The following RPSA2 variants were observed in gnomAD, a reference collection of about 807,000 sequenced individuals.
The protein encoded by RPSA2 is ribosomal protein SA 2, also known as small ribosomal subunit protein uS2B.
At chr19:23,858,945 T>G in the RPSA2 span, among the ~76,000 whole-genome samples, 1 of 152,196 alleles carries the variant, frequency 6.6e-6, no homozygotes, top group Non-Finnish European at 1.5e-5. Flanking sequence ...TGTGCTTCAC[T>G]GAGGGCTGGA....
At chr19:23,771,489 C>T in the RPSA2 span, among the ~76,000 whole-genome samples, 1 of 152,180 alleles carries the variant, frequency 6.6e-6, no homozygotes, top group African/African-American at 2.4e-5. Context: ...AATTGTTAAT[C>T]TCATACCTCC....
chr19:23,824,580 C>CTTTCTTTTTT, the RPSA2 span, among the ~76,000 whole-genome samples: 353 of 63,780 alleles, frequency 5.5e-3, 102 homozygotes, highest in African/African-American at 0.019. Flanking sequence ...TATAGCATTT[C>CTTTCTTTTTT]TTTTTTTTTT....
At chr19:23,868,950 A>G in the RPSA2 span, among the ~76,000 whole-genome samples, 147,114 of 152,244 alleles carry the variant, frequency 0.97, 71,306 homozygotes, top group East Asian at 1. Flanking sequence ...GGGGACACTC[A>G]AGAAAACCAT....
chr19:23,820,066 G>A, the RPSA2 span, among the ~76,000 whole-genome samples: 21 of 152,306 alleles, frequency 1.4e-4, no homozygotes, highest in South Asian at 3.7e-3. Flanking sequence ...TCCTGAAAAG[G>A]TGCAGACAAG....
At chr19:23,830,517 A>G in the RPSA2 span, among the ~76,000 whole-genome samples, 1 of 152,070 alleles carries the variant, frequency 6.6e-6, no homozygotes, top group African/African-American at 2.4e-5. Context: ...GGTTATATAC[A>G]TGTTTGTTAT....
chr19:23,769,354 C>T, the RPSA2 span, among the ~76,000 whole-genome samples: 4 of 151,848 alleles, frequency 2.6e-5, no homozygotes, highest in Non-Finnish European at 1.5e-5. Context: ...ATGTGACTCT[C>T]TTTTTTCGAG....
chr19:23,787,089 T>C, the RPSA2 span, among the ~76,000 whole-genome samples: 21 of 152,102 alleles, frequency 1.4e-4, no homozygotes, highest in Non-Finnish European at 2.8e-4. Context: ...TACAGAGAAA[T>C]TGTAGCATAT....
At chr19:23,857,264 G>A in the RPSA2 span, among the ~76,000 whole-genome samples, 6 of 152,234 alleles carry the variant, frequency 3.9e-5, no homozygotes, top group Admixed American at 1.3e-4. Context: ...CTGAGGTGAC[G>A]TACACCTTCA....
chr19:23,856,031 C>T, the RPSA2 span, among the ~76,000 whole-genome samples: 1 of 151,958 alleles, frequency 6.6e-6, no homozygotes, highest in Non-Finnish European at 1.5e-5. Flanking sequence ...CCAAAGTCAC[C>T]AGAGTTAGAT....
chr19:23,822,328 C>T, the RPSA2 span, among the ~76,000 whole-genome samples: 1 of 152,194 alleles, frequency 6.6e-6, no homozygotes, highest in Non-Finnish European at 1.5e-5. Context: ...AGGGTGCCTT[C>T]AGGCACACTG....
chr19:23,803,266 A>G, the RPSA2 span, among the ~76,000 whole-genome samples: 1 of 148,630 alleles, frequency 6.7e-6, no homozygotes, highest in Non-Finnish European at 1.5e-5. Context: ...CTTGTCTCAC[A>G]GAACTAACTA....
At chr19:23,867,134 C>T in the RPSA2 span, among the ~76,000 whole-genome samples, 1 of 152,226 alleles carries the variant, frequency 6.6e-6, no homozygotes, top group Non-Finnish European at 1.5e-5. Flanking sequence ...AATAGACCCA[C>T]CTGTTTGGTA....
the RPSA2 span, among the ~76,000 whole-genome samples, chr19:23,805,121 GCACACACA>G: frequency 3.2e-3 from 473 of 149,660 alleles, 3 homozygotes; most frequent in African/African-American, 0.011. Context: ...AAAATAAAAA[GCACACACA>G]CACACACACA....
At chr19:23,790,791 C>T in the RPSA2 span, 9 of 529,846 alleles carry the variant, frequency 1.7e-5, no homozygotes, top group South Asian at 1.1e-4. Flanking sequence ...TTGCCAGTTC[C>T]GACATCTGGA....
chr19:23,865,202 G>C, the RPSA2 span, among the ~76,000 whole-genome samples: 3 of 152,194 alleles, frequency 2.0e-5, no homozygotes, highest in Non-Finnish European at 4.4e-5. Context: ...AAAGTACTGG[G>C]AATGGGAAGT....
At chr19:23,832,322 G>A in the RPSA2 span, 1 of 472,298 alleles carries the variant, frequency 2.1e-6, no homozygotes, top group Admixed American at 2.5e-5. Flanking sequence ...GAAGAAAGTG[G>A]CAAAGCATTT....
the RPSA2 span, among the ~76,000 whole-genome samples, chr19:23,855,726 G>A: frequency 6.6e-6 from 1 of 152,182 alleles, no homozygotes; most frequent in African/African-American, 2.4e-5. Flanking sequence ...TGGCGTCCAT[G>A]CATGAAGAAG....
chr19:23,863,580 A>T, the RPSA2 span, among the ~76,000 whole-genome samples: 3 of 151,746 alleles, frequency 2.0e-5, no homozygotes, highest in African/African-American at 7.3e-5. Flanking sequence ...AAAAAAAAAA[A>T]AAAAGGCACT....
At chr19:23,832,957 G>A in the RPSA2 span, 4 of 1,479,430 alleles carry the variant, frequency 2.7e-6, no homozygotes, top group African/African-American at 5.6e-5. Context: ...AATTCACAGT[G>A]GAGTAAAACC....
Sources: allele counts gnomAD v4.1 joint callset (sites outside exome capture counted in the v4.1 genomes callset), GRCh38; gene constraint gnomAD v4.1.1; transcripts MANE v1.5; gene names NCBI Gene and HGNC (gene_info 2026-07-23, HGNC 2026-07-21).